Variants in LRBA observed in about 807,000 individuals in gnomAD.
The protein encoded by LRBA is LPS responsive beige-like anchor protein.
LRBA carries 176 observed loss-of-function variants against 330.0 expected under a neutral mutation model. The observed-to-expected ratio is 0.53, with a 90% CI of 0.47 to 0.60. The LOEUF is 0.60. LRBA is among the 20% of genes least tolerant of loss of function. The pLI, the probability that LRBA is intolerant of heterozygous loss-of-function variation, is 0.00. For missense variants in LRBA, 3,259 were observed against 3,444.8 expected, an observed-to-expected ratio of 0.95 and a Z score of 1.35; for synonymous variants, 1,230 against 1,193.0, an observed-to-expected ratio of 1.03 and a Z score of -0.64.
chr4:150,957,941 T>C (rs2149559064), intron 2 of LRBA, among the ~76,000 whole-genome samples: 1 of 149,508 alleles, frequency 6.7e-6, no homozygotes, highest in South Asian at 2.1e-4. Flanking sequence ...CCTGTGGCTT[T>C]GCAGGGTACA....
intron 13 of LRBA, among the ~76,000 whole-genome samples, chr4:150,901,653 C>G (rs1288127126): frequency 1.3e-5 from 2 of 152,142 alleles, no homozygotes; most frequent in Non-Finnish European, 2.9e-5. Context: ...AATAAACAAT[C>G]AAGGCTAAAT....
intron 40 of LRBA, among the ~76,000 whole-genome samples, chr4:150,526,477 G>C (rs904637088): frequency 3.3e-5 from 5 of 152,104 alleles, no homozygotes; most frequent in African/African-American, 1.2e-4. Flanking sequence ...AGAAAAATTT[G>C]ATAAGGGGGA....
intron 44 of LRBA, among the ~76,000 whole-genome samples, chr4:150,448,119 G>A (rs1581344754): frequency 6.6e-6 from 1 of 152,270 alleles, no homozygotes; most frequent in South Asian, 2.1e-4. Context: ...TAATTCTGGG[G>A]CAGGAAATAT....
At chr4:150,766,955 A>G (rs930460424) in intron 34 of LRBA, among the ~76,000 whole-genome samples, 3 of 152,174 alleles carry the variant, frequency 2.0e-5, no homozygotes, top group African/African-American at 7.2e-5. Flanking sequence ...GTCAATTTTT[A>G]CTAAAATATA....
rs146768056 is a variant in LRBA, at chr4:150,285,991, A to G, written c.8061T>C (p.Tyr2687=). 3.0e-4 allele frequency: 482 copies of G among 1,595,608 alleles called. No homozygotes were observed. The highest frequency in any genetic ancestry group is 3.8e-4 in the Non-Finnish European group (442 of 1,170,586). The change falls in exon 54 of 57, where the codon TAT becomes TAC. Residue 2687 remains tyrosine, a synonymous_variant. Coordinates refer to ENST00000651943, the MANE Select transcript of LRBA (RefSeq NM_001364905.1). ...APRAILTGHD[Y]EVTCAAVCAE... ...CACACACCGCAGCACATGTGACCTCATAGTCATGGCCGGTCAAAATGGCCC... is the reference window on the plus strand; with the variant it reads ...CACACACCGCAGCACATGTGACCTCGTAGTCATGGCCGGTCAAAATGGCCC...
Position 150,302,649 on chromosome 4 carries a change from T to C in LRBA, c.7993A>G (p.Ser2665Gly), listed in dbSNP as rs754762630. The C allele has an allele frequency of 3.7e-6, 6 of 1,610,992 alleles. No individual in the cohort carries two copies. Among genetic ancestry groups the C allele is most frequent in the Admixed American group, 1.7e-5 (1 of 59,702 alleles). Residue 2665 changes from serine (S) to glycine (G), a missense_variant, in exon 53 of 57, where the codon AGT becomes GGT. By Grantham distance (56) the Ser-to-Gly change is moderately conservative. Transcript: ENST00000651943. ...CTGCCTGGGTTATCTCCAATCCCAC[T>C]GCATTTTCCATTCCAATACCACAGC... is the stretch of plus-strand genomic sequence containing the variant. ...LLLWYWNGKC[S>G]GIGDNPGSET...
At chr4:150,396,006 G>T (rs561995983) in intron 47 of LRBA, among the ~76,000 whole-genome samples, 2 of 152,268 alleles carry the variant, frequency 1.3e-5, no homozygotes, top group South Asian at 4.1e-4. Flanking sequence ...ACTTGAGTGG[G>T]CTGCGGGATG....
chr4:150,484,527 TTC>T (rs1410631615), intron 42 of LRBA, among the ~76,000 whole-genome samples: 3 of 151,966 alleles, frequency 2.0e-5, no homozygotes, highest in African/African-American at 4.8e-5. Context: ...AATTTGTGTC[TTC>T]TCTTTCTGCA....
chr4:150,620,256 T>C (rs1319708065), intron 37 of LRBA, among the ~76,000 whole-genome samples: 1 of 152,096 alleles, frequency 6.6e-6, no homozygotes, highest in Admixed American at 6.5e-5. Context: ...CACAATGAGA[T>C]ACCACCCTAC....
At chr4:150,853,853 A>G (rs1750916136) in intron 22 of LRBA, among the ~76,000 whole-genome samples, 1 of 152,210 alleles carries the variant, frequency 6.6e-6, no homozygotes, top group Non-Finnish European at 1.5e-5. Context: ...AGAAAGTATT[A>G]GCCTAATTAT....
rs116178410 is a variant in LRBA at position 150,391,801 on chromosome 4, T to C, written c.7194+23637A>G. Among the ~76,000 whole-genome samples, 141 of 152,196 alleles carry C rather than the reference T, an allele frequency of 9.3e-4. 4 individuals carry two copies. Among genetic ancestry groups the C allele is most frequent in the African/African-American group, 3.3e-3 (139 of 41,532 alleles). On this transcript the variant is annotated intron_variant, in intron 47 of 56. Coordinates refer to ENST00000651943, the MANE Select transcript of LRBA (RefSeq NM_001364905.1). The stretch of plus-strand genomic sequence containing the variant: ...TGGTCTCTCTTCTACCTTCTAAATA[T>C]TTTTCTTCCTCTTGAGTGCCACTTC...
chr4:150,300,870 G>A (rs1041186557), intron 53 of LRBA, among the ~76,000 whole-genome samples: 14 of 152,004 alleles, frequency 9.2e-5, no homozygotes, highest in African/African-American at 3.4e-4. Context: ...GTCTTTAGCT[G>A]CTTTTTAGAA....
At chr4:150,435,518 G>A (rs2151993169) in intron 46 of LRBA, 71 bp downstream of exon 46, 1 of 1,476,320 alleles carries the variant, frequency 6.8e-7, no homozygotes, top group Non-Finnish European at 9.2e-7. Flanking sequence ...TGGCAGTAGA[G>A]AAAATTTTCA....
intron 37 of LRBA, among the ~76,000 whole-genome samples, chr4:150,612,358 C>T (rs1775361959): frequency 6.6e-6 from 1 of 152,060 alleles, no homozygotes; most frequent in Admixed American, 6.6e-5. Flanking sequence ...TTTTAACTAA[C>T]ATAAAAGAAA....
chr4:151,010,296 A>C (rs1217575896), intron 2 of LRBA, among the ~76,000 whole-genome samples: 1 of 152,234 alleles, frequency 6.6e-6, no homozygotes, highest in Admixed American at 6.5e-5. Context: ...TAAACTCAGC[A>C]GCAAGTTCCT....
Position 150,852,848 on chromosome 4 carries a change from T to A in LRBA, c.2862A>T (p.Ser954=). 6.2e-7 allele frequency: 1 copy of A among 1,613,726 alleles called. No individual in the cohort carries two copies. The highest frequency in any genetic ancestry group is 1.1e-5 in the South Asian group (1 of 91,010). ...TTCTAATGCCAGAGGCTGCTTGAAC[T>A]GAAGTTGAAGAACACAGCCCTATTT... ...DEEIGLCSST[S]VQAASGIRRD... Residue 954 remains serine (S), a synonymous_variant, in exon 23 of 57, where the codon TCA becomes TCT. Transcript: ENST00000651943.
At chr4:150,621,285 A>C (rs553016594) in intron 37 of LRBA, among the ~76,000 whole-genome samples, 4 of 152,184 alleles carry the variant, frequency 2.6e-5, no homozygotes, top group African/African-American at 4.8e-5. Flanking sequence ...ATTTAAGCTA[A>C]TTTTTTTAAC....
chr4:151,013,142 G>T (rs901760059), intron 2 of LRBA: 1 of 152,140 alleles, frequency 6.6e-6, no homozygotes, highest in Non-Finnish European at 1.5e-5. Context: ...TCTAGTGAAA[G>T]AAATAATTAA....
Position 150,976,175 on chromosome 4 carries a change from GAA to G in LRBA, c.216+38250_216+38251del, listed in dbSNP as rs56914557. ...GGGTGACAGAGTGAAACTCCGTCTTGAAAAAAAAAAAAAAAAAAAGAACAAAA... is the reference window on the plus strand; with the variant it reads ...GGGTGACAGAGTGAAACTCCGTCTTGAAAAAAAAAAAAAAAAAGAACAAAA... On this transcript the variant is annotated intron_variant, in intron 2 of 56. Coordinates refer to ENST00000651943, the MANE Select transcript of LRBA (RefSeq NM_001364905.1). Among the ~76,000 whole-genome samples the G allele has an allele frequency of 2.5e-3, 223 of 88,700 alleles. 1 individual carries two copies. The highest frequency in any genetic ancestry group is 0.018 in the East Asian group (59 of 3,244). 58.2% of individuals were successfully genotyped at this position (88,700 alleles called of 152,430 possible). A position where few individuals can be genotyped will look rare whatever the true frequency, so the allele number is the denominator to read the frequency against.
Sources: gnomAD v4.1 joint callset for allele counts (sites outside exome capture counted in the v4.1 genomes callset) on GRCh38, gnomAD v4.1.1 for gene constraint, MANE v1.5 for transcripts, NCBI Gene and HGNC (gene_info 2026-07-23, HGNC 2026-07-21) for gene names.